Variants in TDRD6 observed in about 807,000 individuals in gnomAD.
The protein encoded by TDRD6 is tudor domain containing 6, also known as tudor domain-containing protein 6.
In TDRD6, 186 loss-of-function variants were observed where a neutral mutation model predicts 157.5. The observed-to-expected ratio is 1.18, with a 90% CI of 1.05 to 1.33. TDRD6 has a LOEUF of 1.33. Among genes scored for constraint, TDRD6 ranks in the 40% most tolerant of loss-of-function variants. The pLI is 0.00. For missense variants in TDRD6, 3,066 were observed against 2,508.0 expected (o/e 1.22, Z -4.75); for synonymous variants, 1,075 against 945.2 (o/e 1.14, Z -2.52).
the TDRD6 span, chr6:46,681,679 ATATTT>A: frequency 2.3e-6 from 1 of 428,144 alleles, no homozygotes; most frequent in South Asian, 1.7e-5. Flanking sequence ...TTAAAAGTAA[ATATTT>A]TAAAGTGCCT....
rs900728306 is a variant in TDRD6 at position 46,702,993 on chromosome 6, C to G, written c.*1106C>G. On this transcript the variant is annotated 3_prime_UTR_variant, in exon 4 of 4. Coordinates refer to ENST00000316081, the MANE Select transcript of TDRD6 (RefSeq NM_001010870.3). ...GTCTTTCTTTACCCTGAAAAATACT[C>G]AGTGTGCACTATGTTAGGTTATTTC... 6.6e-6 allele frequency: 1 copy of G among 151,628 alleles called. No homozygotes were observed. The highest frequency in any genetic ancestry group is 2.1e-4 in the South Asian group (1 of 4,828). The allele number at this position is 151,628 out of a possible 1,614,324, so 9.4% of individuals were successfully genotyped here. A position where few individuals can be genotyped will look rare whatever the true frequency, so the allele number is the denominator to read the frequency against.
upstream of TDRD6, among the ~76,000 whole-genome samples, chr6:46,684,938 A>T (rs2150672261): frequency 6.6e-6 from 1 of 151,730 alleles, no homozygotes; most frequent in Non-Finnish European, 1.5e-5. Context: ...GTTTATTCAC[A>T]TTCTTGCCAG....
intron 3 of TDRD6, 56 bp from the exon 4 acceptor site, chr6:46,701,802 A>AT: frequency 6.3e-7 from 1 of 1,594,334 alleles, no homozygotes; most frequent in Non-Finnish European, 8.6e-7. Context: ...ATGGAAATAA[A>AT]TTTTTTTGTT....
chr6:46,701,953 A>T lies in TDRD6; in HGVS notation c.*66A>T. 1 of 1,544,952 alleles carries T rather than the reference A, an allele frequency of 6.5e-7. No individual in the cohort carries two copies. Among genetic ancestry groups the T allele is most frequent in the Non-Finnish European group, 8.9e-7 (1 of 1,127,326 alleles). On this transcript the variant is annotated 3_prime_UTR_variant, in exon 4 of 4. Transcript: ENST00000316081. ...CTTGAACAAGTGGCATCTTACGCAG[A>T]CCAACAGAGTATTTGAGAAAATTGA...
Position 46,702,155 on chromosome 6 carries a change from A to T in TDRD6, c.*268A>T, listed in dbSNP as rs796269283. The T allele has an allele frequency of 1.1e-4, 34 of 317,940 alleles. No homozygotes were observed. The highest frequency in any genetic ancestry group is 4.3e-4 in the African/African-American group (20 of 46,704). 19.7% of individuals were successfully genotyped at this position (317,940 alleles called of 1,614,324 possible). On this transcript the variant is annotated 3_prime_UTR_variant, in exon 4 of 4. Coordinates refer to ENST00000316081, the MANE Select transcript of TDRD6 (RefSeq NM_001010870.3). ...ATTAGTTGGGAGGATTTATTTTGCT[A>T]AACAGTTTACTAACACATTACATTT...
rs1207141165 is a variant in TDRD6 at position 46,702,965 on chromosome 6, T to C, written c.*1078T>C. On this transcript the variant is annotated 3_prime_UTR_variant, in exon 4 of 4. Coordinates refer to ENST00000316081, the MANE Select transcript of TDRD6 (RefSeq NM_001010870.3). ...TGAAAAGGAGTAGGCATTTGATAAA[T>C]GTGTCTTTCTTTACCCTGAAAAATA... 3 of 151,954 alleles carry C rather than the reference T, an allele frequency of 2.0e-5. No individual in the cohort carries two copies. Among genetic ancestry groups the C allele is most frequent in the Non-Finnish European group, 4.4e-5 (3 of 67,854 alleles). 9.4% of individuals were successfully genotyped at this position (151,954 alleles called of 1,614,324 possible). A position where few individuals can be genotyped will look rare whatever the true frequency, so the allele number is the denominator to read the frequency against.
Position 46,697,984 on chromosome 6 carries a change from G to T in TDRD6, c.6172-14G>T, listed in dbSNP as rs200298468. On this transcript the variant is annotated splice_polypyrimidine_tract_variant and intron_variant, in intron 2 of 3. Transcript: ENST00000316081. The stretch of plus-strand genomic sequence containing the variant: ...TGAATTGGACACTTTAAAAAAATTT[G>T]TTTTCTCCTGTAGGTTTTGAACCTT... 1.3e-6 allele frequency: 2 copies of T among 1,554,582 alleles called. No homozygotes were observed. Among genetic ancestry groups the T allele is most frequent in the Non-Finnish European group, 8.7e-7 (1 of 1,146,554 alleles).
At position 46,691,175 on chromosome 6, in the gene TDRD6, C is replaced by A; in HGVS notation, c.3047C>A (p.Ser1016Ter). 6.2e-7 allele frequency: 1 copy of A among 1,613,654 alleles called. No homozygotes were observed. The highest frequency in any genetic ancestry group is 8.5e-7 in the Non-Finnish European group (1 of 1,179,826). The change falls in exon 1 of 4, where the codon TCA becomes TAA. Residue 1016 changes from serine (S) to a stop codon, truncating the protein, a stop_gained. Transcript: ENST00000316081. LOFTEE classifies it high-confidence loss of function. ...AATGCAAATATTTTAGAACAGTTGT[C>A]ATGTAGTATTACACAATTAAGTAAA... ...ARNANILEQL[S>*]CSITQLSKVL...
chr6:46,695,492 T>G (rs986884211), intron 1 of TDRD6, among the ~76,000 whole-genome samples: 3 of 152,184 alleles, frequency 2.0e-5, no homozygotes, highest in African/African-American at 4.8e-5. Flanking sequence ...TGCTTTCTTA[T>G]AGAAATGGCT....
chr6:46,695,956 T>C lies in TDRD6; in HGVS notation c.6171+11T>C, dbSNP rs1294170417. ...GAAGAAGGAACAAGGGTAAGTGATG[T>C]TTAAGTACTTTATCTCCAAATGTAT... is the stretch of plus-strand genomic sequence containing the variant. On this transcript the variant is annotated intron_variant, in intron 2 of 3. Transcript: ENST00000316081. The C allele has an allele frequency of 2.5e-6, 4 of 1,607,622 alleles. No homozygotes were observed. The South Asian group carries it at 4.5e-5, about 18-fold the overall frequency.
At position 46,688,354 on chromosome 6, in the gene TDRD6, C is replaced by G. The variant is rs372714809; in HGVS notation, c.226C>G (p.Gln76Glu). Residue 76 changes from glutamine to glutamate, a missense_variant, in exon 1 of 4, where the codon CAG (glutamine) becomes GAG (glutamate). Physicochemically the swap from Gln to Glu is conservative, Grantham distance 29. Coordinates refer to ENST00000316081, the MANE Select transcript of TDRD6 (RefSeq NM_001010870.3). ...SASPGELCLV[Q>E]VGLLWHRCRV... ...CTCGCCCGGCGAGCTGTGCCTGGTG[C>G]AGGTCGGGCTTTTGTGGCACCGCTG... 1 of 1,532,514 alleles carries G rather than the reference C, an allele frequency of 6.5e-7. No individual in the cohort carries two copies. The allele number at this position is 1,532,514 out of a possible 1,614,324, so 94.9% of individuals were successfully genotyped here. A position where few individuals can be genotyped will look rare whatever the true frequency, so the allele number is the denominator to read the frequency against.
At position 46,692,130 on chromosome 6, in the gene TDRD6, T is replaced by C; in HGVS notation, c.4002T>C (p.Leu1334=). 6.2e-7 allele frequency: 1 copy of C among 1,613,906 alleles called. No individual in the cohort carries two copies. Among genetic ancestry groups the C allele is most frequent in the Non-Finnish European group, 8.5e-7 (1 of 1,179,914 alleles). Residue 1334 remains leucine (L), a synonymous_variant, in exon 1 of 4, where the codon CTT becomes CTC. Coordinates refer to ENST00000316081, the MANE Select transcript of TDRD6 (RefSeq NM_001010870.3). ...AAGATGAAGCTGAAATTAGTCATCTTTCAGAGAGATTAAACAGTGTTAAAA... is the reference window on the plus strand; with the variant it reads ...AAGATGAAGCTGAAATTAGTCATCTCTCAGAGAGATTAAACAGTGTTAAAA... The part of the protein sequence containing the change: ...LIEDEAEISH[L]SERLNSVKTR...
In TDRD6 at chr6:46,690,568, G is replaced by A; in HGVS notation, c.2440G>A (p.Ala814Thr). Residue 814 changes from alanine to threonine, a missense_variant, in exon 1 of 4, where the codon GCT becomes ACT. Ala to Thr is a moderately conservative substitution (Grantham distance 58). Transcript: ENST00000316081. ...DIQYYCKNTA[A>T]PHQRNTLACL... ...TCAGTACTATTGCAAAAATACAGCT[G>A]CTCCTCACCAGAGAAACACCCTTGC... The A allele has an allele frequency of 6.2e-7, 1 of 1,614,146 alleles. No individual in the cohort carries two copies. The highest frequency in any genetic ancestry group is 8.5e-7 in the Non-Finnish European group (1 of 1,180,038).
At chr6:46,697,161 C>T (rs963173859) in intron 2 of TDRD6, among the ~76,000 whole-genome samples, 15 of 152,108 alleles carry the variant, frequency 9.9e-5, no homozygotes, top group Non-Finnish European at 2.1e-4. Context: ...TTCTTGACTT[C>T]TCTTACATAT....
At position 46,688,075 on chromosome 6, in the gene TDRD6, C is replaced by A; in HGVS notation, c.-54C>A. ...TCAGGCGGCGCGGAGGATTTCGAGG[C>A]CCTGAGGCGCGGCCCTTAATTTCCG... On this transcript the variant is annotated 5_prime_UTR_variant, in exon 1 of 4. Transcript: ENST00000316081. 1 of 1,423,630 alleles carries A rather than the reference C, an allele frequency of 7.0e-7. No individual in the cohort carries two copies. Among genetic ancestry groups the A allele is most frequent in the South Asian group, 1.5e-5 (1 of 67,830 alleles). 88.2% of individuals were successfully genotyped at this position (1,423,630 alleles called of 1,614,324 possible). A position where few individuals can be genotyped will look rare whatever the true frequency, so the allele number is the denominator to read the frequency against.
chr6:46,692,858 G>A lies in TDRD6; in HGVS notation c.4730G>A (p.Arg1577Lys). The change falls in exon 1 of 4, where the codon AGA becomes AAA. Residue 1577 changes from arginine to lysine, a missense_variant. Coordinates refer to ENST00000316081, the MANE Select transcript of TDRD6 (RefSeq NM_001010870.3). ...TATATTGGAGATCCTTGTATAGTAA[G>A]ATACAGAGAAGATGGACATTATTAT... ...CPYIGDPCIV[R>K]YREDGHYYRA... is the part of the protein sequence containing the mutation. 6.2e-7 allele frequency: 1 copy of A among 1,614,090 alleles called. No homozygotes were observed. The highest frequency in any genetic ancestry group is 8.5e-7 in the Non-Finnish European group (1 of 1,179,982).
In TDRD6 at chr6:46,688,821, G is replaced by A. The variant is rs199974004; in HGVS notation, c.693G>A (p.Pro231=). The A allele has an allele frequency of 3.4e-5, 55 of 1,612,486 alleles. 2 individuals carry two copies. In the East Asian group the frequency reaches 5.6e-4, roughly 16 times the overall value. The change falls in exon 1 of 4, where the codon CCG becomes CCA. Residue 231 remains proline, a synonymous_variant. Coordinates refer to ENST00000316081, the MANE Select transcript of TDRD6 (RefSeq NM_001010870.3). ...GGGTCCCGGTTCTCTCGCGAGTCCC[G>A]CTCAAGCAAAAGCAGCCTGGTCTGG... ...GSGVPVLSRV[P]LKQKQPGLDY...
Position 46,688,436 on chromosome 6 carries a change from G to A in TDRD6, c.308G>A (p.Arg103His). The A allele has an allele frequency of 2.6e-6, 4 of 1,542,052 alleles. No homozygotes were observed. The highest frequency in any genetic ancestry group is 1.2e-5 in the South Asian group (1 of 84,154). Residue 103 changes from arginine (R) to histidine (H), a missense_variant, in exon 1 of 4, where the codon CGC becomes CAC. Physicochemically the swap from Arg to His is conservative, Grantham distance 29. Coordinates refer to ENST00000316081, the MANE Select transcript of TDRD6 (RefSeq NM_001010870.3). Reference protein sequence around the residue: ...ESRVFLLDEGRTITAGAGSLA... With the variant: ...ESRVFLLDEGHTITAGAGSLA... Reference sequence around the variant, plus strand: ...CGTGTCTTCCTGCTGGACGAGGGCCGCACCATCACGGCCGGAGCAGGCTCG... The same window carrying A: ...CGTGTCTTCCTGCTGGACGAGGGCCACACCATCACGGCCGGAGCAGGCTCG...
chr6:46,699,583 T>G (rs1310940302), intron 3 of TDRD6, among the ~76,000 whole-genome samples: 1 of 152,158 alleles, frequency 6.6e-6, no homozygotes, highest in Non-Finnish European at 1.5e-5. Context: ...AATAAGAAAT[T>G]TCTCTCAGAG....
Sources: gnomAD v4.1 joint callset for allele counts (sites outside exome capture counted in the v4.1 genomes callset) on GRCh38, gnomAD v4.1.1 for gene constraint, MANE v1.5 for transcripts, NCBI Gene and HGNC (gene_info 2026-07-23, HGNC 2026-07-21) for gene names.